Variants in RBFOX3 observed in about 807,000 individuals in gnomAD.
The protein encoded by RBFOX3 is RNA binding fox-1 homolog 3.
RBFOX3 carries 17 observed loss-of-function variants against 48.7 expected under a neutral mutation model. The observed-to-expected ratio is 0.35, with a 90% CI of 0.24 to 0.52. The LOEUF (loss-of-function observed/expected upper bound fraction) is 0.52, where lower values mean the gene tolerates loss of function less well. Among genes scored for constraint, RBFOX3 ranks in the 20% least tolerant of loss-of-function variants. The pLI, the probability that RBFOX3 is intolerant of heterozygous loss-of-function variation, is 0.94. For synonymous variants in RBFOX3, 212 were observed against 209.5 expected, an observed-to-expected ratio of 1.01 and a Z score of -0.10; for missense variants, 382 against 497.5, an observed-to-expected ratio of 0.77 and a Z score of 2.21.
chr17:79,468,855 G>A (rs111171016), intron 2 of RBFOX3, among the ~76,000 whole-genome samples: 1 of 151,550 alleles, frequency 6.6e-6, no homozygotes, highest in Non-Finnish European at 1.5e-5. Context: ...TAGATAGACA[G>A]CAGATAGGCA....
intron 2 of RBFOX3, among the ~76,000 whole-genome samples, chr17:79,317,531 C>G (rs2145886683): frequency 6.6e-6 from 1 of 152,308 alleles, no homozygotes; most frequent in Middle Eastern, 3.4e-3. Context: ...CAATTGAGTC[C>G]TGAGCAGGCA....
At chr17:79,251,629 A>G (rs1041036500) in intron 3 of RBFOX3, among the ~76,000 whole-genome samples, 1 of 152,098 alleles carries the variant, frequency 6.6e-6, no homozygotes, top group African/African-American at 2.4e-5. Context: ...TCTTCCTAGA[A>G]CATGGCGCGG....
rs573819023 is a variant in RBFOX3, at chr17:79,390,260, T to A, written c.-174-82436A>T. ...TAGAATAACACATCCCTCCGCCCCATCATCCTGCAATCCTTTAGCTGGCAG... is the reference window on the plus strand; with the variant it reads ...TAGAATAACACATCCCTCCGCCCCAACATCCTGCAATCCTTTAGCTGGCAG... On this transcript the variant is annotated intron_variant, in intron 2 of 14. Transcript: ENST00000693108. The surrounding 1 kb of genome is among the most constrained non-coding windows in gnomAD (Gnocchi z 4.2). 8.5e-5 allele frequency among the ~76,000 whole-genome samples: 13 copies of A among 152,330 alleles called. No homozygotes were observed. The highest frequency in any genetic ancestry group is 4.6e-4 in the Admixed American group (7 of 15,304).
intron 6 of RBFOX3, among the ~76,000 whole-genome samples, chr17:79,106,056 G>A (rs984301994): frequency 1.3e-5 from 2 of 152,194 alleles, no homozygotes; most frequent in African/African-American, 4.8e-5. Flanking sequence ...TGCAAAACCC[G>A]GAACAGGCCC....
intron 1 of RBFOX3, among the ~76,000 whole-genome samples, chr17:79,563,400 G>A (rs2092329973): frequency 2.0e-5 from 3 of 152,164 alleles, no homozygotes; most frequent in Non-Finnish European, 4.4e-5. Flanking sequence ...GGATCCCTAC[G>A]CCCCACTGCC....
chr17:79,186,179 T>C (rs2053355103), intron 4 of RBFOX3, among the ~76,000 whole-genome samples: 1 of 152,224 alleles, frequency 6.6e-6, no homozygotes, highest in Non-Finnish European at 1.5e-5. Flanking sequence ...CCCAGGAGCA[T>C]GTCTGGACAC....
intron 2 of RBFOX3, among the ~76,000 whole-genome samples, chr17:79,358,506 G>A (rs1166434013): frequency 6.6e-6 from 1 of 152,092 alleles, no homozygotes; most frequent in Non-Finnish European, 1.5e-5. Flanking sequence ...TGTCACTCAG[G>A]CTGGAGTGCA....
intron 2 of RBFOX3, among the ~76,000 whole-genome samples, chr17:79,381,509 G>A (rs543342735): frequency 7.9e-5 from 12 of 152,300 alleles, no homozygotes; most frequent in Middle Eastern, 3.4e-3. Context: ...GTCAGACAGC[G>A]CATCCTGGGC....
At chr17:79,553,736 T>C (rs941081063) in intron 1 of RBFOX3, among the ~76,000 whole-genome samples, 4 of 152,096 alleles carry the variant, frequency 2.6e-5, no homozygotes, top group Non-Finnish European at 4.4e-5. Flanking sequence ...TTTGTTTTCG[T>C]TTTTGAGACA....
In RBFOX3 at chr17:79,115,684, G is replaced by T. The variant is rs2033722863; in HGVS notation, c.32C>A (p.Pro11His). MAQPYPPAQY[P>H]PPPQNGIPAE... ...AGGGATGCCGTTCTGTGGCGGAGGG[G>T]GGTACTGGGCGGGGGGGTAGGGCTG... is the stretch of plus-strand genomic sequence containing the variant. The change falls in exon 5 of 15, where the codon CCC becomes CAC. Residue 11 changes from proline (P) to histidine (H), a missense_variant. Pro to His is a moderately conservative substitution (Grantham distance 77). Coordinates refer to ENST00000693108, the MANE Select transcript of RBFOX3 (RefSeq NM_001350451.2). 2.4e-6 allele frequency: 2 copies of T among 833,920 alleles called. No individual in the cohort carries two copies. The highest frequency in any genetic ancestry group is 1.8e-5 in the African/African-American group (1 of 56,832). 51.7% of individuals were successfully genotyped at this position (833,920 alleles called of 1,614,324 possible).
chr17:79,178,209 G>A (rs897033076), intron 4 of RBFOX3, among the ~76,000 whole-genome samples: 4 of 152,154 alleles, frequency 2.6e-5, no homozygotes, highest in Non-Finnish European at 2.9e-5. Context: ...CTCACCCCAC[G>A]GAACAAGACA....
At chr17:79,475,788 G>C (rs1330760652) in intron 2 of RBFOX3, among the ~76,000 whole-genome samples, 2 of 152,202 alleles carry the variant, frequency 1.3e-5, no homozygotes, top group Non-Finnish European at 2.9e-5. Context: ...GACTGACAGT[G>C]CATCTATAAG....
intron 5 of RBFOX3, among the ~76,000 whole-genome samples, chr17:79,112,143 G>A (rs2031899216): frequency 6.6e-6 from 1 of 152,180 alleles, no homozygotes; most frequent in Non-Finnish European, 1.5e-5. Flanking sequence ...GCCTTCCTGG[G>A]GAATGATGTA....
chr17:79,144,297 G>A (rs1242326934), intron 4 of RBFOX3, among the ~76,000 whole-genome samples: 2 of 152,274 alleles, frequency 1.3e-5, no homozygotes, highest in Non-Finnish European at 2.9e-5. Flanking sequence ...CCCGCCCCAT[G>A]GCTGCCTTGT....
Position 79,430,627 on chromosome 17 carries a change from C to A in RBFOX3, c.-175+51827G>T, listed in dbSNP as rs370744385. The stretch of plus-strand genomic sequence containing the variant: ...GTGGCGCCATCTCAGCTCACTGCAA[C>A]CACCGCCTCCGGGTTCAAGCGATTC... On this transcript the variant is annotated intron_variant, in intron 2 of 14. Transcript: ENST00000693108. Among the ~76,000 whole-genome samples, 52 of 152,356 alleles carry A rather than the reference C, an allele frequency of 3.4e-4. 1 individual carries two copies. The highest frequency in any genetic ancestry group is 3.4e-3 in the Middle Eastern group (1 of 294).
At chr17:79,517,627 C>G (rs1439465456) in intron 1 of RBFOX3, among the ~76,000 whole-genome samples, 5 of 151,980 alleles carry the variant, frequency 3.3e-5, no homozygotes, top group African/African-American at 1.2e-4. Context: ...GTCAGGACAA[C>G]TCAAAAACTC....
chr17:79,655,538 T>C, the RBFOX3 span, among the ~76,000 whole-genome samples: 924 of 152,340 alleles, frequency 6.1e-3, 12 homozygotes, highest in African/African-American at 0.021. Context: ...ATTTTGGCAG[T>C]AAAACTCATT....
At chr17:79,574,094 G>T (rs1267346808) in intron 1 of RBFOX3, among the ~76,000 whole-genome samples, 1 of 152,210 alleles carries the variant, frequency 6.6e-6, no homozygotes, top group Non-Finnish European at 1.5e-5. Flanking sequence ...AATCTGAGGG[G>T]TTGTTTAAAA....
chr17:79,566,870 C>T (rs1166253661), intron 1 of RBFOX3, among the ~76,000 whole-genome samples: 14 of 152,240 alleles, frequency 9.2e-5, no homozygotes, highest in African/African-American at 2.9e-4. Flanking sequence ...AAGCCCCATC[C>T]GGCAAGGCAA....
Sources: gnomAD v4.1 joint callset for allele counts (sites outside exome capture counted in the v4.1 genomes callset) on GRCh38, gnomAD v4.1.1 for gene constraint, Gnocchi (gnomAD v3.1) non-coding constraint, MANE v1.5 for transcripts, NCBI Gene and HGNC (gene_info 2026-07-23, HGNC 2026-07-21) for gene names.